RAD51B: variants seen among roughly 807,000 people sequenced by gnomAD.
RAD51B encodes the protein DNA repair protein RAD51 homolog 2.
RAD51B carries 38 observed loss-of-function variants against 42.2 expected under a neutral mutation model. The ratio of observed to expected loss-of-function variants is 0.90; its 90% CI spans 0.70 to 1.18. The LOEUF (loss-of-function observed/expected upper bound fraction) is 1.18, where lower values mean the gene tolerates loss of function less well. Ranked by LOEUF, RAD51B falls within the 50% of genes most tolerant of loss-of-function variation. The pLI is 0.00. For synonymous variants in RAD51B, 154 were observed against 145.2 expected, an observed-to-expected ratio of 1.06 and a Z score of -0.43; for missense variants, 373 against 400.7, an observed-to-expected ratio of 0.93 and a Z score of 0.59.
intron 7 of RAD51B, among the ~76,000 whole-genome samples, chr14:68,201,397 A>G (rs761970796): frequency 2.6e-5 from 4 of 152,262 alleles, no homozygotes; most frequent in Non-Finnish European, 4.4e-5. Context: ...GTACTCATGC[A>G]TATAATTAAT....
chr14:68,401,663 G>C (rs913660588), intron 8 of RAD51B, among the ~76,000 whole-genome samples: 6 of 152,068 alleles, frequency 3.9e-5, no homozygotes, highest in Non-Finnish European at 2.9e-5. Flanking sequence ...GAAATTTTCT[G>C]CTTTACTAAA....
intron 8 of RAD51B, among the ~76,000 whole-genome samples, chr14:68,350,403 T>C (rs2082761369): frequency 6.6e-6 from 1 of 152,242 alleles, no homozygotes; most frequent in African/African-American, 2.4e-5. Context: ...GCAGCGATGA[T>C]ATGACTCTTG....
chr14:68,000,777 A>G (rs533570783), intron 7 of RAD51B, among the ~76,000 whole-genome samples: 4 of 152,286 alleles, frequency 2.6e-5, no homozygotes, highest in Admixed American at 2.6e-4. Context: ...AGAAAAGCAA[A>G]AATCAGATAT....
chr14:68,352,292 T>C (rs550100214), intron 8 of RAD51B, among the ~76,000 whole-genome samples: 1 of 152,256 alleles, frequency 6.6e-6, no homozygotes, highest in Non-Finnish European at 1.5e-5. Flanking sequence ...CTATTACTTA[T>C]CAGTTGTGAG....
At chr14:67,944,581 A>G (rs1056520377) in intron 7 of RAD51B, among the ~76,000 whole-genome samples, 3 of 152,106 alleles carry the variant, frequency 2.0e-5, no homozygotes, top group African/African-American at 7.2e-5. Flanking sequence ...AGTGTTTTTG[A>G]TACTACCGTA....
chr14:68,226,603 A>G (rs909499217), intron 7 of RAD51B, among the ~76,000 whole-genome samples: 1 of 152,200 alleles, frequency 6.6e-6, no homozygotes, highest in Non-Finnish European at 1.5e-5. Flanking sequence ...TGTAAGACGT[A>G]ACTTTGCTCC....
chr14:68,161,836 G>T (rs1357910797), intron 7 of RAD51B, among the ~76,000 whole-genome samples: 1 of 152,188 alleles, frequency 6.6e-6, no homozygotes, highest in Non-Finnish European at 1.5e-5. Context: ...AAACCATGAT[G>T]GTTGCCATCA....
chr14:68,399,059 T>C (rs551147698), intron 8 of RAD51B, among the ~76,000 whole-genome samples: 1 of 152,270 alleles, frequency 6.6e-6, no homozygotes, highest in African/African-American at 2.4e-5. Flanking sequence ...TATAGAAACA[T>C]ATGAATGCCC....
At chr14:68,173,809 T>C (rs1179100848) in intron 7 of RAD51B, among the ~76,000 whole-genome samples, 1 of 152,236 alleles carries the variant, frequency 6.6e-6, no homozygotes, top group Non-Finnish European at 1.5e-5. Flanking sequence ...TGAAACAGTC[T>C]TAAGATGAGT....
At chr14:68,291,009 C>T (rs2081506209) in intron 7 of RAD51B, among the ~76,000 whole-genome samples, 1 of 151,688 alleles carries the variant, frequency 6.6e-6, no homozygotes, top group Non-Finnish European at 1.5e-5. Context: ...GGTTTCTCCA[C>T]ATTGGCAAGG....
At chr14:67,993,647 A>G (rs1239510782) in intron 7 of RAD51B, among the ~76,000 whole-genome samples, 2 of 151,384 alleles carry the variant, frequency 1.3e-5, no homozygotes, top group African/African-American at 2.5e-5. Flanking sequence ...TAGGTCTCCA[A>G]TAAATATGGG....
chr14:68,616,955 T>G (rs1891837919), intron 10 of RAD51B, among the ~76,000 whole-genome samples: 1 of 152,196 alleles, frequency 6.6e-6, no homozygotes, highest in Non-Finnish European at 1.5e-5. Context: ...TTCCTCATTT[T>G]ATGTATGTTT....
rs763246684 is a variant in RAD51B at position 67,885,999 on chromosome 14, T to G, written c.572+11T>G. On this transcript the variant is annotated intron_variant, in intron 6 of 10. Coordinates refer to ENST00000471583, the MANE Select transcript of RAD51B (RefSeq NM_133510.4). ...TGAAGTTCTACAAAGGTATGCTGCT[T>G]TAGATTTTGATTTTTTAGTAATGCG... The G allele has an allele frequency of 1.9e-6, 3 of 1,552,070 alleles. No homozygotes were observed. The highest frequency in any genetic ancestry group is 2.6e-6 in the Non-Finnish European group (3 of 1,140,548).
chr14:68,425,592 G>GC (rs1339881021), intron 9 of RAD51B, among the ~76,000 whole-genome samples: 2 of 152,194 alleles, frequency 1.3e-5, no homozygotes, highest in Non-Finnish European at 2.9e-5. Context: ...TTTGGACTTA[G>GC]CCCCCAGAAC....
chr14:68,595,249 A>G (rs1890940903), exon 11 of RAD51B: 2 of 1,056,964 alleles, frequency 1.9e-6, no homozygotes, highest in East Asian at 5.0e-5. Context: ...CCTGGAATAC[A>G]TGCTTCCAGT....
chr14:68,566,365 ATT>A (rs1487555089), intron 10 of RAD51B, among the ~76,000 whole-genome samples: 1 of 152,218 alleles, frequency 6.6e-6, no homozygotes, highest in Non-Finnish European at 1.5e-5. Flanking sequence ...TTCCCATAGA[ATT>A]GTCTGATTCA....
intron 8 of RAD51B, among the ~76,000 whole-genome samples, chr14:68,399,296 G>A (rs1310259831): frequency 1.5e-5 from 2 of 135,048 alleles, no homozygotes; most frequent in Admixed American, 7.7e-5. Context: ...TTACTGTGTC[G>A]CCCAGGCTGG....
chr14:68,573,935 G>C (rs758180053), intron 10 of RAD51B, among the ~76,000 whole-genome samples: 1 of 151,618 alleles, frequency 6.6e-6, no homozygotes, highest in Non-Finnish European at 1.5e-5. Context: ...TGTTCTCATT[G>C]ACTGCTGTGT....
intron 8 of RAD51B, among the ~76,000 whole-genome samples, chr14:68,372,491 G>A (rs2083284641): frequency 6.6e-6 from 1 of 152,154 alleles, no homozygotes; most frequent in Non-Finnish European, 1.5e-5. Context: ...GGTATTAGAA[G>A]GGATTGAGAT....
Sources: gnomAD v4.1 joint callset for allele counts (sites outside exome capture counted in the v4.1 genomes callset) on GRCh38, gnomAD v4.1.1 for gene constraint, MANE v1.5 for transcripts, NCBI Gene and HGNC (gene_info 2026-07-23, HGNC 2026-07-21) for gene names.